Variants in KNTC1 observed in about 807,000 individuals in gnomAD.
KNTC1 encodes kinetochore associated 1, also known as kinetochore-associated protein 1.
In KNTC1, 253 loss-of-function variants were observed where a neutral mutation model predicts 314.4. The observed-to-expected ratio is 0.80, with a 90% CI of 0.73 to 0.89. The LOEUF (loss-of-function observed/expected upper bound fraction) is 0.89. KNTC1 is among the 40% of genes least tolerant of loss of function. KNTC1 has a pLI of 0.00. For synonymous variants in KNTC1, 901 were observed against 901.4 expected (o/e 1.00, Z 0.01); for missense variants, 2,475 against 2,572.9 (o/e 0.96, Z 0.82).
chr12:122,531,879 G>C (rs961411091), intron 2 of KNTC1, among the ~76,000 whole-genome samples: 1 of 151,422 alleles, frequency 6.6e-6, no homozygotes, highest in Non-Finnish European at 1.5e-5. Flanking sequence ...GACTACAGGC[G>C]CCCGCCACTA....
In KNTC1 at chr12:122,602,888, G is replaced by C. The variant is rs1330951386; in HGVS notation, c.4884+1G>C. ...GCTCTTAATTTCGAAATTAATGAAGGTAATGGATTAAAACATTGTAAGACA... is the reference window on the plus strand; with the variant it reads ...GCTCTTAATTTCGAAATTAATGAAGCTAATGGATTAAAACATTGTAAGACA... On this transcript the variant is annotated splice_donor_variant, in intron 47 of 63. Transcript: ENST00000333479. LOFTEE classifies it high-confidence loss of function. The C allele has an allele frequency of 6.3e-7, 1 of 1,599,110 alleles. No homozygotes were observed. Among genetic ancestry groups the C allele is most frequent in the South Asian group, 1.1e-5 (1 of 90,628 alleles).
chr12:122,600,658 T>C (rs938411798), intron 44 of KNTC1, among the ~76,000 whole-genome samples: 2 of 151,836 alleles, frequency 1.3e-5, no homozygotes, highest in African/African-American at 4.9e-5. Flanking sequence ...TTTAGTATCT[T>C]AAGAGCTTCC....
Position 122,582,721 on chromosome 12 carries a change from T to G in KNTC1, c.2999T>G (p.Phe1000Cys), listed in dbSNP as rs753130990. ...VASLQENFEV[F>C]LSFEDYSNSS... is the part of the protein sequence containing the mutation. ...TTGCTACAGGAGAACTTTGAGGTCTTTCTTTCATTTGAAGATTATAGCAAT... is the reference window on the plus strand; with the variant it reads ...TTGCTACAGGAGAACTTTGAGGTCTGTCTTTCATTTGAAGATTATAGCAAT... Residue 1000 changes from phenylalanine to cysteine, a missense_variant, in exon 34 of 64, where the codon TTT (phenylalanine) becomes TGT (cysteine). By Grantham distance (205) the Phe-to-Cys change is radical. Transcript: ENST00000333479. The G allele has an allele frequency of 6.2e-7, 1 of 1,602,400 alleles. No homozygotes were observed. The highest frequency in any genetic ancestry group is 8.5e-7 in the Non-Finnish European group (1 of 1,173,114).
At chr12:122,601,907 T>C (rs1427011919) in intron 45 of KNTC1, 1 of 211,626 alleles carries the variant, frequency 4.7e-6, no homozygotes, top group Non-Finnish European at 9.2e-6. Flanking sequence ...CAGAACTAAT[T>C]GTGAAGAATT....
intron 44 of KNTC1, among the ~76,000 whole-genome samples, chr12:122,599,312 T>G (rs1648083052): frequency 1.3e-5 from 2 of 151,914 alleles, no homozygotes; most frequent in South Asian, 4.1e-4. Context: ...TTGGAATGTT[T>G]GGTCAGGGGG....
intron 56 of KNTC1, among the ~76,000 whole-genome samples, 154 bp downstream of exon 56, chr12:122,615,240 T>A (rs1170398862): frequency 6.6e-6 from 1 of 152,216 alleles, no homozygotes; most frequent in Non-Finnish European, 1.5e-5. Context: ...GAACTTGGTG[T>A]TAGACCAGAG....
At chr12:122,621,223 T>C (rs549956585) in intron 60 of KNTC1, among the ~76,000 whole-genome samples, 1 of 152,316 alleles carries the variant, frequency 6.6e-6, no homozygotes, top group East Asian at 1.9e-4. Flanking sequence ...AACTCTCATT[T>C]CCTTTATAAT....
intron 3 of KNTC1, among the ~76,000 whole-genome samples, chr12:122,537,976 T>TA (rs150564653): frequency 0.2 from 30,515 of 151,672 alleles, 3,527 homozygotes; most frequent in East Asian, 0.46. Flanking sequence ...GTACAAAAAA[T>TA]ACCAAAAACT....
chr12:122,551,463 C>G lies in KNTC1; in HGVS notation c.1136C>G (p.Ser379Cys), dbSNP rs1963193438. Residue 379 changes from serine to cysteine, a missense_variant, in exon 15 of 64, where the codon TCT becomes TGT. Physicochemically the swap from Ser to Cys is moderately radical, Grantham distance 112. Transcript: ENST00000333479. The part of the protein sequence containing the change: ...EGVCKNDPKL[S>C]EDSVSVLVLR... ...ATAGTTAAAATTTTTTCTAGATTGTCTGAAGACTCAGTCTCTGTGTTAGTA... is the reference window on the plus strand; with the variant it reads ...ATAGTTAAAATTTTTTCTAGATTGTGTGAAGACTCAGTCTCTGTGTTAGTA... 6.3e-7 allele frequency: 1 copy of G among 1,584,280 alleles called. No individual in the cohort carries two copies. The highest frequency in any genetic ancestry group is 1.1e-5 in the South Asian group (1 of 88,058).
intron 44 of KNTC1, among the ~76,000 whole-genome samples, chr12:122,599,448 C>T (rs1871533125): frequency 6.6e-6 from 1 of 151,602 alleles, no homozygotes; most frequent in South Asian, 2.1e-4. Context: ...GTAGCCTCTG[C>T]CTCCTGGGTT....
Position 122,591,461 on chromosome 12 carries a change from T to G in KNTC1, c.4245+8T>G. 1 of 1,262,384 alleles carries G rather than the reference T, an allele frequency of 7.9e-7. No individual in the cohort carries two copies. Among genetic ancestry groups the G allele is most frequent in the South Asian group, 1.2e-5 (1 of 82,226 alleles). The allele number at this position is 1,262,384 out of a possible 1,614,324, so 78.2% of individuals were successfully genotyped here. On this transcript the variant is annotated splice_region_variant and intron_variant, in intron 42 of 63. Transcript: ENST00000333479. ...CGTCTTGGTAAACTTGGTGTGAGTA[T>G]TCTTTGTACTGCTGTCATCGATTCT...
chr12:122,602,122 A>G (rs529172371), intron 45 of KNTC1, among the ~76,000 whole-genome samples: 1 of 151,818 alleles, frequency 6.6e-6, no homozygotes, highest in East Asian at 1.9e-4. Flanking sequence ...AAATATTTTA[A>G]TATTATGTTA....
intron 31 of KNTC1, among the ~76,000 whole-genome samples, chr12:122,578,744 A>G (rs1965194969): frequency 6.6e-6 from 1 of 152,092 alleles, no homozygotes; most frequent in Non-Finnish European, 1.5e-5. Context: ...TAAACCCCTA[A>G]GGATAGATAC....
chr12:122,620,299 C>A, intron 59 of KNTC1, 180 bp from the exon 60 acceptor site: 1 of 442,116 alleles, frequency 2.3e-6, no homozygotes. Context: ...TTCTTTTATT[C>A]TGTGTAGAGT....
chr12:122,616,858 AAG>A (rs1422159425), intron 57 of KNTC1, among the ~76,000 whole-genome samples: 1 of 152,090 alleles, frequency 6.6e-6, no homozygotes, highest in Non-Finnish European at 1.5e-5. Context: ...TCACCCCAAA[AAG>A]AAAATTCATA....
intron 3 of KNTC1, among the ~76,000 whole-genome samples, chr12:122,536,520 CCTT>C (rs1278979380): frequency 6.7e-6 from 1 of 150,072 alleles, no homozygotes; most frequent in Non-Finnish European, 1.5e-5. Context: ...CCGTGCCAGG[CCTT>C]TTTTTTTTTT....
chr12:122,602,747 G>T lies in KNTC1; in HGVS notation c.4825+7G>T, dbSNP rs184864051. 3 of 1,612,834 alleles carry T rather than the reference G, an allele frequency of 1.9e-6. No homozygotes were observed. In the Admixed American group the frequency reaches 5.0e-5, roughly 27 times the overall value. On this transcript the variant is annotated splice_region_variant and intron_variant, in intron 46 of 63. Transcript: ENST00000333479. ...AACTTCTGGAAAATTCTCTGTATGT[G>T]TTCATTAACTTTTTATGAATTTTAC...
At position 122,603,158 on chromosome 12, in the gene KNTC1, G is replaced by C. The variant is rs763782509; in HGVS notation, c.5016G>C (p.Gln1672His). 3 of 1,613,224 alleles carry C rather than the reference G, an allele frequency of 1.9e-6. No individual in the cohort carries two copies. Among genetic ancestry groups the C allele is most frequent in the South Asian group, 2.2e-5 (2 of 91,018 alleles). ...LINKEITKITQTIESCLLSIV... is the reference protein window; with the variant it reads ...LINKEITKITHTIESCLLSIV... ...ACAAGGAAATAACTAAGATCACGCA[G>C]ACCATCGAATCCTGCTTACTCTCTA... The change falls in exon 48 of 64, where the codon CAG becomes CAC. Residue 1672 changes from glutamine to histidine, a missense_variant. Coordinates refer to ENST00000333479, the MANE Select transcript of KNTC1 (RefSeq NM_014708.6).
chr12:122,556,484 C>CTTTT (rs371272876), intron 16 of KNTC1, among the ~76,000 whole-genome samples: 1 of 112,802 alleles, frequency 8.9e-6, no homozygotes, highest in African/African-American at 3.7e-5. Flanking sequence ...CTACTCTCTA[C>CTTTT]TTTTTTTTTT....
Sources: allele counts gnomAD v4.1 joint callset (sites outside exome capture counted in the v4.1 genomes callset), GRCh38; gene constraint gnomAD v4.1.1; transcripts MANE v1.5; gene names NCBI Gene and HGNC (gene_info 2026-07-23, HGNC 2026-07-21).